The following ARID1B variants were observed in gnomAD, a reference collection of about 807,000 sequenced individuals.
ARID1B encodes the protein AT-rich interaction domain 1B, also known as AT-rich interactive domain-containing protein 1B.
Under a neutral mutation model 212.3 loss-of-function variants are expected in ARID1B, and 30 were observed. The observed-to-expected ratio is 0.14, with a 90% CI of 0.11 to 0.19. The LOEUF (loss-of-function observed/expected upper bound fraction) is 0.19. Among genes scored for constraint, ARID1B ranks in the 10% least tolerant of loss-of-function variants. The pLI is 1.00. For missense variants in ARID1B, 2,891 were observed against 3,204.0 expected (o/e 0.90, Z 2.36); for synonymous variants, 1,402 against 1,301.7 (o/e 1.08, Z -1.66).
At chr6:156,960,858 G>T (rs947691556) in intron 4 of ARID1B, among the ~76,000 whole-genome samples, 3 of 152,114 alleles carry the variant, frequency 2.0e-5, no homozygotes, top group Admixed American at 6.5e-5. Flanking sequence ...TAAAGAAGCA[G>T]AATTATTCCC....
chr6:156,993,264 A>T (rs910078258), intron 4 of ARID1B, among the ~76,000 whole-genome samples: 1 of 151,146 alleles, frequency 6.6e-6, no homozygotes, highest in South Asian at 2.1e-4. Context: ...TTGGTCTTGA[A>T]CTCCTGACCT....
At chr6:157,053,014 A>G (rs76508847) in intron 4 of ARID1B, among the ~76,000 whole-genome samples, 4,088 of 151,994 alleles carry the variant, frequency 0.027, 261 homozygotes, top group East Asian at 0.25. Flanking sequence ...CACCACACCC[A>G]GCGCTAAGAG....
At chr6:157,187,406 G>A (rs1042347333) in intron 13 of ARID1B, among the ~76,000 whole-genome samples, 9 of 152,206 alleles carry the variant, frequency 5.9e-5, no homozygotes, top group Admixed American at 2.0e-4. Context: ...CTCAGTGGAA[G>A]ATAAATGAGA....
upstream of ARID1B, chr6:156,777,064 C>T (rs1778662603): frequency 6.6e-6 from 1 of 152,272 alleles, no homozygotes; most frequent in Non-Finnish European, 1.5e-5. Flanking sequence ...GCTCGTCAGA[C>T]TCGTTTTCCA....
intron 4 of ARID1B, among the ~76,000 whole-genome samples, chr6:157,011,400 G>A (rs1779598732): frequency 6.6e-6 from 1 of 152,154 alleles, no homozygotes; most frequent in African/African-American, 2.4e-5. Context: ...AACAAATTAT[G>A]TAGCAGTTAT....
At chr6:156,875,483 T>G (rs1266725760) in intron 2 of ARID1B, among the ~76,000 whole-genome samples, 1 of 152,276 alleles carries the variant, frequency 6.6e-6, no homozygotes, top group Non-Finnish European at 1.5e-5. Flanking sequence ...GAGAAAGTTT[T>G]CATTGACCAG....
chr6:157,209,997 G>A lies in ARID1B; in HGVS notation c.*2106G>A, dbSNP rs1794683886. 1 of 233,002 alleles carries A rather than the reference G, an allele frequency of 4.3e-6. No homozygotes were observed. Among genetic ancestry groups the A allele is most frequent in the Non-Finnish European group, 8.5e-6 (1 of 118,000 alleles). The allele number at this position is 233,002 out of a possible 1,614,324, so 14.4% of individuals were successfully genotyped here. The stretch of plus-strand genomic sequence containing the variant: ...GAATCCCCAGCCCCTCGCATACATT[G>A]TGTCGGTTCACATTACTCACAGTAA... On this transcript the variant is annotated 3_prime_UTR_variant, in exon 20 of 20. Transcript: ENST00000636930.
At chr6:156,993,872 A>G (rs181432780) in intron 4 of ARID1B, among the ~76,000 whole-genome samples, 1 of 152,352 alleles carries the variant, frequency 6.6e-6, no homozygotes, top group Admixed American at 6.5e-5. Context: ...TTTTAAGTTT[A>G]TCTCTTCGTA....
intron 2 of ARID1B, among the ~76,000 whole-genome samples, chr6:156,846,645 C>T (rs536643895): frequency 3.3e-5 from 5 of 152,262 alleles, no homozygotes; most frequent in South Asian, 2.1e-4. Flanking sequence ...ACTAACTCAT[C>T]GTTGACTCTC....
At chr6:156,848,341 A>C (rs1194556384) in intron 2 of ARID1B, among the ~76,000 whole-genome samples, 2 of 152,244 alleles carry the variant, frequency 1.3e-5, no homozygotes, top group African/African-American at 4.8e-5. Context: ...TAATTATAAC[A>C]AAAGTCAAGT....
intron 2 of ARID1B, among the ~76,000 whole-genome samples, chr6:156,876,969 A>G (rs1263185987): frequency 1.3e-5 from 2 of 152,078 alleles, no homozygotes; most frequent in Non-Finnish European, 2.9e-5. Context: ...ATCTCGGCTC[A>G]CTGCAACCTC....
At chr6:156,909,534 A>C (rs914522763) in intron 3 of ARID1B, among the ~76,000 whole-genome samples, 6 of 152,208 alleles carry the variant, frequency 3.9e-5, no homozygotes, top group Non-Finnish European at 7.3e-5. Flanking sequence ...TTGTCTTCAG[A>C]ATACCCTTCT....
chr6:157,176,248 G>A lies in ARID1B; in HGVS notation c.3504+1243G>A, dbSNP rs551055822. 1.2e-4 allele frequency among the ~76,000 whole-genome samples: 18 copies of A among 152,290 alleles called. No individual in the cohort carries two copies. In the South Asian group the frequency reaches 3.5e-3, roughly 30 times the overall value. On this transcript the variant is annotated intron_variant, in intron 11 of 19. Transcript: ENST00000636930. ...GAAAGAGAAAGCGCTTCTAGGATGG[G>A]TATAGCAGACAGTGCGCTTCTAGGA... is the stretch of plus-strand genomic sequence containing the variant.
chr6:156,936,740 G>A (rs1792265513), intron 4 of ARID1B: 1 of 151,328 alleles, frequency 6.6e-6, no homozygotes, highest in African/African-American at 2.4e-5. Flanking sequence ...TCATTGCCTA[G>A]TTTCTATGGA....
At chr6:156,814,087 G>T (rs551394195) in intron 1 of ARID1B, among the ~76,000 whole-genome samples, 2 of 152,142 alleles carry the variant, frequency 1.3e-5, no homozygotes, top group African/African-American at 2.4e-5. Flanking sequence ...AAAGGAATAC[G>T]TAAGAATCAA....
intron 2 of ARID1B, among the ~76,000 whole-genome samples, chr6:156,885,718 T>A (rs1787449617): frequency 2.0e-5 from 3 of 152,242 alleles, no homozygotes; most frequent in Admixed American, 1.3e-4. Context: ...TGATACTTTA[T>A]CCAAAGCATC....
chr6:156,780,738 G>A (rs1477204357), intron 1 of ARID1B, among the ~76,000 whole-genome samples: 1 of 152,170 alleles, frequency 6.6e-6, no homozygotes, highest in Non-Finnish European at 1.5e-5. Flanking sequence ...ATCAAATACA[G>A]AAAAACAGTT....
intron 2 of ARID1B, among the ~76,000 whole-genome samples, chr6:156,846,747 C>T (rs887624175): frequency 7.2e-5 from 11 of 152,118 alleles, no homozygotes; most frequent in South Asian, 6.2e-4. Context: ...TCCATGGACT[C>T]GCCTGCTGTG....
intron 4 of ARID1B, among the ~76,000 whole-genome samples, chr6:157,035,378 C>A (rs1781266364): frequency 1.3e-5 from 2 of 152,154 alleles, no homozygotes; most frequent in African/African-American, 4.8e-5. Context: ...AGCATATTTC[C>A]TGTTCGCGTT....
Sources: gnomAD v4.1 joint callset for allele counts (sites outside exome capture counted in the v4.1 genomes callset) on GRCh38, gnomAD v4.1.1 for gene constraint, MANE v1.5 for transcripts, NCBI Gene and HGNC (gene_info 2026-07-23, HGNC 2026-07-21) for gene names.